The following PPP2R3B variants were observed in gnomAD, a reference collection of about 807,000 sequenced individuals.
PPP2R3B encodes the protein protein phosphatase 2 regulatory subunit B''beta, also known as serine/threonine-protein phosphatase 2A regulatory subunit B'' subunit beta.
PPP2R3B carries 68 observed loss-of-function variants against 72.9 expected under a neutral mutation model. The ratio of observed to expected loss-of-function variants is 0.93; its 90% CI spans 0.77 to 1.14. The LOEUF is 1.14. Among genes scored for constraint, PPP2R3B ranks in the 50% most tolerant of loss-of-function variants. PPP2R3B has a pLI of 0.00. For missense variants in PPP2R3B, 1,018 were observed against 842.0 expected (o/e 1.21, Z -2.59); for synonymous variants, 466 against 375.8 (o/e 1.24, Z -2.78).
intron 12 of PPP2R3B, chrX:336,386 G>C (rs2070890011): frequency 6.6e-6 from 1 of 152,152 alleles, no homozygotes; most frequent in South Asian, 2.1e-4. Flanking sequence ...CAGGAAGAGG[G>C]AGAACATCCT....
chrX:368,987 G>C (rs1345775889), intron 1 of PPP2R3B, among the ~76,000 whole-genome samples: 4 of 152,212 alleles, frequency 2.6e-5, no homozygotes, highest in African/African-American at 9.6e-5. Flanking sequence ...AGATTTACAA[G>C]CTTAATCTCA....
At chrX:338,991 G>A in intron 10 of PPP2R3B, 95 bp from the exon 11 acceptor site, 1 of 991,328 alleles carries the variant, frequency 1.0e-6, no homozygotes, top group East Asian at 2.4e-5. Context: ...CGTGCTTAAG[G>A]ACGCGGCACG....
At chrX:348,374 G>A (rs1198356958) in intron 2 of PPP2R3B, among the ~76,000 whole-genome samples, 1 of 152,004 alleles carries the variant, frequency 6.6e-6, no homozygotes, top group Non-Finnish European at 1.5e-5. Context: ...TCAGGAGTTC[G>A]AGACCAGCCT....
intron 1 of PPP2R3B, among the ~76,000 whole-genome samples, chrX:368,444 T>C (rs111866324): frequency 1.1e-3 from 33 of 28,794 alleles, no homozygotes; most frequent in African/African-American, 2.0e-3. Context: ...CCCCGGGCAC[T>C]GACGGGGGGG....
intron 2 of PPP2R3B, among the ~76,000 whole-genome samples, chrX:357,811 C>T (rs2071465917): frequency 6.6e-6 from 1 of 152,130 alleles, no homozygotes; most frequent in Non-Finnish European, 1.5e-5. Context: ...GAGCTGATGA[C>T]TCTGTCTCAA....
intron 9 of PPP2R3B, 57 bp from the exon 10 acceptor site, chrX:340,997 G>T (rs1289560266): frequency 6.4e-7 from 1 of 1,573,250 alleles, no homozygotes; most frequent in Non-Finnish European, 8.6e-7. Flanking sequence ...CCCGTGACCT[G>T]CAGCCCCTGA....
intron 8 of PPP2R3B, 185 bp downstream of exon 8, chrX:341,698 A>T: frequency 1.4e-6 from 1 of 725,638 alleles, no homozygotes; most frequent in Non-Finnish European, 2.4e-6. Context: ...TTCGCGTGAC[A>T]GTCTTGTGCC....
chrX:339,325 T>C, intron 10 of PPP2R3B, among the ~76,000 whole-genome samples: 1 of 121,140 alleles, frequency 8.3e-6, no homozygotes, highest in Non-Finnish European at 1.7e-5. Context: ...ATTTCCAAAG[T>C]GAAAGTCCCA....
chrX:370,729 A>T (rs751171032), intron 1 of PPP2R3B, among the ~76,000 whole-genome samples: 26 of 152,174 alleles, frequency 1.7e-4, no homozygotes, highest in African/African-American at 6.3e-4. Flanking sequence ...GCCAAACCAA[A>T]GGCTGCAAGG....
rs767867868 is a variant in PPP2R3B at position 339,215 on chromosome X, C to G, written c.1352-319G>C. ...ATTACAGAGAACGGAGCTCCCCGTG[C>G]AGGCAGAGGCCAGAGGGTGTCCCGG... On this transcript the variant is annotated intron_variant, in intron 10 of 12. Transcript: ENST00000390665. Among the ~76,000 whole-genome samples, 303 of 146,814 alleles carry G rather than the reference C, an allele frequency of 2.1e-3. 2 individuals carry two copies. The highest frequency in any genetic ancestry group is 7.5e-3 in the African/African-American group (295 of 39,528).
chrX:338,925 CGT>C (rs751854582), intron 10 of PPP2R3B, 29 bp from the exon 11 acceptor site: 20 of 1,593,402 alleles, frequency 1.3e-5, no homozygotes, highest in East Asian at 6.7e-5. Context: ...GTCCAAGGCG[CGT>C]GAGCCCGGTC....
Position 334,108 on chromosome X carries a change from C to T in PPP2R3B, c.*259G>A, listed in dbSNP as rs1263301817. The T allele has an allele frequency of 5.4e-5, 20 of 369,762 alleles. No homozygotes were observed. The East Asian group carries it at 6.7e-4, about 12-fold the overall frequency. The allele number at this position is 369,762 out of a possible 1,614,324, so 22.9% of individuals were successfully genotyped here. A position where few individuals can be genotyped will look rare whatever the true frequency, so the allele number is the denominator to read the frequency against. On this transcript the variant is annotated 3_prime_UTR_variant, in exon 13 of 13. Transcript: ENST00000390665. ...GCAGGCCCCGGAACCCAGGCTGGGT[C>T]GGGAACGGCAAGCGCCAGAGGGTGT...
intron 2 of PPP2R3B, among the ~76,000 whole-genome samples, chrX:358,351 C>T (rs755374544): frequency 1.3e-5 from 2 of 152,346 alleles, no homozygotes; most frequent in South Asian, 4.1e-4. Context: ...TAAGTCGCGA[C>T]AGCGCACACC....
At chrX:373,278 A>G (rs891474367) in intron 1 of PPP2R3B, among the ~76,000 whole-genome samples, 10 of 152,220 alleles carry the variant, frequency 6.6e-5, no homozygotes, top group Non-Finnish European at 1.2e-4. Flanking sequence ...TGCTCTTTTC[A>G]AAGCCCGGTT....
chrX:349,669 A>G (rs1461349080), intron 2 of PPP2R3B, among the ~76,000 whole-genome samples: 1 of 152,246 alleles, frequency 6.6e-6, no homozygotes, highest in Non-Finnish European at 1.5e-5. Flanking sequence ...TGCTGGATCC[A>G]AGGACTATAT....
intron 1 of PPP2R3B, among the ~76,000 whole-genome samples, chrX:362,799 C>T (rs1334896565): frequency 6.6e-6 from 1 of 152,086 alleles, no homozygotes; most frequent in Non-Finnish European, 1.5e-5. Flanking sequence ...GCTACTCCCA[C>T]AGGACCCTCA....
At chrX:348,468 C>G (rs775169939) in intron 2 of PPP2R3B, among the ~76,000 whole-genome samples, 3 of 151,616 alleles carry the variant, frequency 2.0e-5, no homozygotes, top group Non-Finnish European at 2.9e-5. Context: ...CCCAGCTACT[C>G]GGGAGGCTGA....
At chrX:383,345 G>A (rs2072165549) in intron 1 of PPP2R3B, among the ~76,000 whole-genome samples, 2 of 152,220 alleles carry the variant, frequency 1.3e-5, no homozygotes, top group Middle Eastern at 3.4e-3. Flanking sequence ...TATTAGTGCT[G>A]CTGATGGAAA....
At chrX:383,672 C>G (rs2072174073) in intron 1 of PPP2R3B, among the ~76,000 whole-genome samples, 1 of 151,520 alleles carries the variant, frequency 6.6e-6, no homozygotes, top group Non-Finnish European at 1.5e-5. Flanking sequence ...CCCGTCTCTA[C>G]TAAAAATACA....
Sources: allele counts gnomAD v4.1 joint callset (sites outside exome capture counted in the v4.1 genomes callset), GRCh38; gene constraint gnomAD v4.1.1; transcripts MANE v1.5; gene names NCBI Gene and HGNC (gene_info 2026-07-23, HGNC 2026-07-21).